The following ZNF385D variants were observed in gnomAD, a reference collection of about 807,000 sequenced individuals.
ZNF385D encodes the protein zinc finger protein 385D.
In ZNF385D, 15 loss-of-function variants were observed where a neutral mutation model predicts 35.8. The ratio of observed to expected loss-of-function variants is 0.42; its 90% CI spans 0.28 to 0.64. The LOEUF (loss-of-function observed/expected upper bound fraction) is 0.64. Ranked by LOEUF, ZNF385D falls within the 30% of genes least tolerant of loss-of-function variation. The probability of loss-of-function intolerance (pLI) is 0.23; values close to 1 mark genes in which losing one functional copy is unlikely to be tolerated. For missense variants in ZNF385D, 474 were observed against 494.6 expected (o/e 0.96, Z 0.39); for synonymous variants, 212 against 186.8 (o/e 1.13, Z -1.10).
chr3:21,554,346 C>A (rs1457392242), intron 3 of ZNF385D, among the ~76,000 whole-genome samples: 2 of 152,128 alleles, frequency 1.3e-5, no homozygotes, highest in African/African-American at 2.4e-5. Context: ...TGAAAGAAAT[C>A]TTTTTTTCTG....
At chr3:22,104,374 T>C (rs1265720698) in intron 3 of ZNF385D, among the ~76,000 whole-genome samples, 2 of 152,290 alleles carry the variant, frequency 1.3e-5, no homozygotes, top group East Asian at 3.9e-4. Flanking sequence ...ATCTACTTTG[T>C]TGATTCTTGT....
At chr3:21,441,817 C>T in intron 4 of ZNF385D, 1 of 765,364 alleles carries the variant, frequency 1.3e-6, no homozygotes, top group Non-Finnish European at 1.6e-6. Flanking sequence ...GATTTCTTTG[C>T]ACTACTCTAC....
rs184588725 is a variant in ZNF385D at position 22,032,515 on chromosome 3, C to T, written c.325+136302G>A. Among the ~76,000 whole-genome samples, 678 of 152,226 alleles carry T rather than the reference C, an allele frequency of 4.5e-3. 9 individuals are homozygous for T. The highest frequency in any genetic ancestry group is 0.016 in the African/African-American group (653 of 41,540). ...TTCTTCCCTTGACACATGGGGATTA[C>T]AATTTGAGATGAGATTTGGGTAGGG... On this transcript the variant is annotated intron_variant, in intron 3 of 5. Coordinates refer to the ZNF385D transcript ENST00000494108.
At chr3:22,322,319 A>G (rs975161127) in intron 2 of ZNF385D, among the ~76,000 whole-genome samples, 1 of 152,106 alleles carries the variant, frequency 6.6e-6, no homozygotes, top group African/African-American at 2.4e-5. Flanking sequence ...ATATCCTCAA[A>G]TATATTTTTT....
chr3:21,653,555 A>G (rs2065986292), intron 2 of ZNF385D, among the ~76,000 whole-genome samples: 1 of 152,072 alleles, frequency 6.6e-6, no homozygotes, highest in South Asian at 2.1e-4. Flanking sequence ...TTCTCTCTAA[A>G]ATTATAAAAT....
chr3:21,498,771 G>A (rs142562270), intron 4 of ZNF385D, among the ~76,000 whole-genome samples: 8 of 151,830 alleles, frequency 5.3e-5, no homozygotes, highest in Non-Finnish European at 8.8e-5. Context: ...GTGAAACCCC[G>A]TCTCTACTAA....
intron 1 of ZNF385D, among the ~76,000 whole-genome samples, chr3:21,701,904 C>G (rs762068373): frequency 6.6e-6 from 1 of 152,188 alleles, no homozygotes; most frequent in African/African-American, 2.4e-5. Flanking sequence ...TGGTCTTGAG[C>G]AGCCCCGTCT....
chr3:21,918,540 G>T (rs1011624571), intron 3 of ZNF385D, among the ~76,000 whole-genome samples: 1 of 152,112 alleles, frequency 6.6e-6, no homozygotes, highest in Non-Finnish European at 1.5e-5. Context: ...GATTATATGT[G>T]AAATGCTCAT....
At chr3:21,611,344 C>T (rs987998722) in intron 2 of ZNF385D, among the ~76,000 whole-genome samples, 2 of 152,124 alleles carry the variant, frequency 1.3e-5, no homozygotes, top group African/African-American at 2.4e-5. Flanking sequence ...TGCAGAGCTG[C>T]GCTTGCAATC....
intron 3 of ZNF385D, among the ~76,000 whole-genome samples, chr3:21,983,973 G>T (rs928405816): frequency 1.2e-4 from 16 of 136,426 alleles, no homozygotes; most frequent in Non-Finnish European, 1.8e-4. Flanking sequence ...CTTTTGAGAA[G>T]TGTCTGTTCA....
intron 3 of ZNF385D, among the ~76,000 whole-genome samples, chr3:22,064,377 G>A (rs1016596891): frequency 9.2e-5 from 14 of 152,122 alleles, no homozygotes; most frequent in African/African-American, 3.4e-4. Context: ...AAAACTGTTA[G>A]AAAGCAGAGC....
At chr3:22,293,288 T>G (rs2125400826) in intron 2 of ZNF385D, among the ~76,000 whole-genome samples, 1 of 152,286 alleles carries the variant, frequency 6.6e-6, no homozygotes, top group Non-Finnish European at 1.5e-5. Context: ...CTTTGCTACC[T>G]TTTATTAAAC....
chr3:21,549,114 C>CT lies in ZNF385D; in HGVS notation c.276+15459dup, dbSNP rs999562493. Among the ~76,000 whole-genome samples, 106 of 152,210 alleles carry CT rather than the reference C, an allele frequency of 7.0e-4. 1 individual carries two copies. The highest frequency in any genetic ancestry group is 2.5e-3 in the African/African-American group (105 of 41,518). On this transcript the variant is annotated intron_variant, in intron 3 of 7. Transcript: ENST00000281523. ...ATATTCAAGGTCAGATTTTCCATGT[C>CT]TAAGAGAAGTTGATAGAAAAAATGA...
upstream of ZNF385D, chr3:21,751,421 G>A (rs960299336): frequency 9.9e-7 from 1 of 1,006,878 alleles, no homozygotes; most frequent in Admixed American, 5.7e-5. Context: ...ACACACAGGA[G>A]AAATTCACCA....
At chr3:22,349,650 G>A (rs551704039) in intron 2 of ZNF385D, among the ~76,000 whole-genome samples, 7 of 152,062 alleles carry the variant, frequency 4.6e-5, no homozygotes, top group African/African-American at 1.4e-4. Flanking sequence ...TTTAAAAAAG[G>A]GAAGGCATAT....
At chr3:21,554,289 C>T (rs1334605316) in intron 3 of ZNF385D, among the ~76,000 whole-genome samples, 1 of 152,146 alleles carries the variant, frequency 6.6e-6, no homozygotes, top group Non-Finnish European at 1.5e-5. Flanking sequence ...ACATCTCTAT[C>T]AGAGCTCTCG....
intron 3 of ZNF385D, among the ~76,000 whole-genome samples, chr3:21,926,816 A>G (rs1185826177): frequency 3.9e-5 from 6 of 152,194 alleles, no homozygotes; most frequent in Non-Finnish European, 1.5e-5. Context: ...TAATTAAACT[A>G]AAGAACTTCT....
chr3:22,364,367 G>A (rs1056575456), intron 2 of ZNF385D, among the ~76,000 whole-genome samples: 32 of 152,044 alleles, frequency 2.1e-4, no homozygotes, highest in African/African-American at 7.7e-4. Flanking sequence ...TCAGATTAAG[G>A]ATTAATATCT....
At chr3:22,089,768 T>C (rs535784574) in intron 3 of ZNF385D, among the ~76,000 whole-genome samples, 1 of 152,294 alleles carries the variant, frequency 6.6e-6, no homozygotes. Flanking sequence ...TGTTCTTATA[T>C]TTTTAGAGTC....
Sources: gnomAD v4.1 joint callset for allele counts (sites outside exome capture counted in the v4.1 genomes callset) on GRCh38, gnomAD v4.1.1 for gene constraint, MANE v1.5 for transcripts, NCBI Gene and HGNC (gene_info 2026-07-23, HGNC 2026-07-21) for gene names.